PRRG1: variants seen among roughly 807,000 people sequenced by gnomAD.
PRRG1 encodes the protein transmembrane gamma-carboxyglutamic acid protein 1.
PRRG1 carries 5 observed loss-of-function variants against 11.8 expected under a neutral mutation model. The ratio of observed to expected loss-of-function variants is 0.42; its 90% CI spans 0.22 to 0.89. PRRG1 has a LOEUF of 0.89. PRRG1 is among the 40% of genes least tolerant of loss of function. PRRG1 has a pLI of 0.28. For missense variants in PRRG1, 155 were observed against 166.1 expected, an observed-to-expected ratio of 0.93 and a Z score of 0.37; for synonymous variants, 66 against 60.4, an observed-to-expected ratio of 1.09 and a Z score of -0.43.
intron 2 of PRRG1, among the ~76,000 whole-genome samples, chrX:37,424,659 A>G (rs1381457449): frequency 1.8e-5 from 2 of 109,407 alleles, no homozygotes; most frequent in Non-Finnish European, 3.8e-5. Context: ...TATGAGGTAC[A>G]GAAGGAAATA....
intron 1 of PRRG1, among the ~76,000 whole-genome samples, chrX:37,399,894 C>T (rs1173000259): frequency 1.8e-5 from 2 of 110,291 alleles, no homozygotes; most frequent in African/African-American, 3.3e-5. Context: ...AAGGCCATTA[C>T]ATAATGGTAA....
intron 1 of PRRG1, among the ~76,000 whole-genome samples, chrX:37,378,219 G>A (rs1408672915): frequency 8.9e-6 from 1 of 111,886 alleles, no homozygotes; most frequent in African/African-American, 3.2e-5. Flanking sequence ...TGTTGATTCT[G>A]TAGCAGACTA....
intron 1 of PRRG1, among the ~76,000 whole-genome samples, chrX:37,366,166 T>TG (rs782774288): frequency 1.8e-5 from 2 of 112,051 alleles, no homozygotes; most frequent in Non-Finnish European, 3.8e-5. Flanking sequence ...ATATAGGATA[T>TG]GGGGGCAATG....
chrX:37,414,980 G>C (rs1169878665), intron 2 of PRRG1, among the ~76,000 whole-genome samples: 2 of 112,347 alleles, frequency 1.8e-5, no homozygotes, highest in Admixed American at 1.9e-4. Context: ...ATATTACGTT[G>C]AACCATATGA....
intron 3 of PRRG1, among the ~76,000 whole-genome samples, chrX:37,434,114 A>G (rs1270597124): frequency 8.9e-6 from 1 of 112,414 alleles, no homozygotes; most frequent in Non-Finnish European, 1.9e-5. Flanking sequence ...TTGTTTACTA[A>G]AATTTATCGC....
chrX:37,376,999 A>G (rs1484740300), intron 1 of PRRG1, among the ~76,000 whole-genome samples: 3 of 111,016 alleles, frequency 2.7e-5, no homozygotes, highest in African/African-American at 9.8e-5. Flanking sequence ...TACTAGTTGA[A>G]TCTATTAATT....
At chrX:37,367,370 A>G (rs1556369701) in intron 1 of PRRG1, among the ~76,000 whole-genome samples, 1 of 111,784 alleles carries the variant, frequency 8.9e-6, no homozygotes, top group East Asian at 2.8e-4. Flanking sequence ...TCTTTAATTC[A>G]ATGATTAATT....
rs963162959 is a variant in PRRG1 at position 37,455,143 on chromosome X, C to G, written c.*1522C>G. 61 of 111,388 alleles carry G rather than the reference C, an allele frequency of 5.5e-4. No homozygotes were observed. Among genetic ancestry groups the G allele is most frequent in the African/African-American group, 1.9e-3 (59 of 30,622 alleles). The allele number at this position is 111,388 out of a possible 1,213,427, so 9.2% of individuals were successfully genotyped here. ...AGGAAGGAGGAACACTGAGGGGAAT[C>G]CTGAAGTAGGAGTCAGATGACCTGA... On this transcript the variant is annotated 3_prime_UTR_variant, in exon 4 of 4. Coordinates refer to ENST00000378628, the MANE Select transcript of PRRG1 (RefSeq NM_001142395.2).
At chrX:37,446,005 C>G (rs1819359533) in intron 3 of PRRG1, among the ~76,000 whole-genome samples, 1 of 112,426 alleles carries the variant, frequency 8.9e-6, no homozygotes, top group African/African-American at 3.2e-5. Context: ...AGTAACTTAT[C>G]ACAGGCCCTG....
At chrX:37,441,097 G>C (rs1569449241) in intron 3 of PRRG1, 9 of 929,718 alleles carry the variant, frequency 9.7e-6, no homozygotes, top group Non-Finnish European at 1.2e-5. Context: ...TAAACTCAAG[G>C]CAAACTCTAG....
At chrX:37,440,491 TA>T (rs1254980078) in intron 3 of PRRG1, among the ~76,000 whole-genome samples, 6 of 111,849 alleles carry the variant, frequency 5.4e-5, no homozygotes, top group Admixed American at 1.9e-4. Context: ...ACCTTTTCGT[TA>T]AAAGAAACTG....
chrX:37,383,931 G>C (rs1384420603), intron 1 of PRRG1, among the ~76,000 whole-genome samples: 1 of 109,226 alleles, frequency 9.2e-6, no homozygotes, highest in Non-Finnish European at 1.9e-5. Context: ...TAAACTGATT[G>C]TTCTGCTATC....
At chrX:37,395,964 C>T (rs782661775) in intron 1 of PRRG1, among the ~76,000 whole-genome samples, 14 of 111,546 alleles carry the variant, frequency 1.3e-4, no homozygotes, top group Non-Finnish European at 2.1e-4. Context: ...GATAGCAGCT[C>T]CCAGGAAATT....
At chrX:37,413,914 A>C (rs998794252) in intron 2 of PRRG1, among the ~76,000 whole-genome samples, 2 of 112,211 alleles carry the variant, frequency 1.8e-5, no homozygotes, top group Admixed American at 9.5e-5. Flanking sequence ...TAAGTTGCTT[A>C]TAGTATTCAG....
intron 3 of PRRG1, among the ~76,000 whole-genome samples, chrX:37,432,092 G>GTTT (rs782183502): frequency 1.0e-5 from 1 of 96,146 alleles, no homozygotes; most frequent in Non-Finnish European, 2.1e-5. Flanking sequence ...GGTGAACAAT[G>GTTT]TTTTTTTTTT....
chrX:37,435,503 G>C (rs782638479), intron 3 of PRRG1, among the ~76,000 whole-genome samples: 78 of 110,277 alleles, frequency 7.1e-4, no homozygotes, highest in Non-Finnish European at 1.4e-3. Flanking sequence ...TCAGCGGGTG[G>C]GGGGAGGTGG....
At chrX:37,446,615 TTC>T (rs782790829) in intron 3 of PRRG1, among the ~76,000 whole-genome samples, 6 of 111,999 alleles carry the variant, frequency 5.4e-5, no homozygotes, top group Non-Finnish European at 1.1e-4. Context: ...CATATATCCT[TTC>T]TGTCTTCCCG....
chrX:37,441,628 C>T, intron 3 of PRRG1: 2 of 800,081 alleles, frequency 2.5e-6, no homozygotes, highest in Non-Finnish European at 3.0e-6. Context: ...CTACGTGTAC[C>T]TGTCCATGGC....
At chrX:37,444,399 T>A (rs1489449034) in intron 3 of PRRG1, among the ~76,000 whole-genome samples, 1 of 112,330 alleles carries the variant, frequency 8.9e-6, no homozygotes, top group Non-Finnish European at 1.9e-5. Flanking sequence ...ATTGCCTGGG[T>A]TCAAATCCCA....
Sources: allele counts gnomAD v4.1 joint callset (sites outside exome capture counted in the v4.1 genomes callset), GRCh38; gene constraint gnomAD v4.1.1; transcripts MANE v1.5; gene names NCBI Gene and HGNC (gene_info 2026-07-23, HGNC 2026-07-21).